Variants in NOX5 observed in about 807,000 individuals in gnomAD.
The protein encoded by NOX5 is NADPH oxidase, EF-hand calcium binding domain 5.
In NOX5, 76 loss-of-function variants were observed where a neutral mutation model predicts 85.7. The ratio of observed to expected loss-of-function variants is 0.89; its 90% CI spans 0.74 to 1.07. The LOEUF (loss-of-function observed/expected upper bound fraction) is 1.07. NOX5 is among the 50% of genes least tolerant of loss of function. The pLI is 0.00. For synonymous variants in NOX5, 405 were observed against 401.4 expected, an observed-to-expected ratio of 1.01 and a Z score of -0.11; for missense variants, 973 against 999.5, an observed-to-expected ratio of 0.97 and a Z score of 0.36.
intron 14 of NOX5, 86 bp from the exon 15 acceptor site, chr15:69,055,248 C>T (rs1456792946): frequency 1.4e-6 from 2 of 1,440,530 alleles, no homozygotes; most frequent in South Asian, 1.3e-5. Context: ...CTTCCAAGCC[C>T]CAGGGTAAGG....
intron 12 of NOX5, 45 bp downstream of exon 12, chr15:69,047,582 C>G (rs1299075870): frequency 6.3e-7 from 1 of 1,589,782 alleles, no homozygotes; most frequent in African/African-American, 1.3e-5. Flanking sequence ...GTCAGAGCCC[C>G]AAGGCGCCCT....
Position 69,035,760 on chromosome 15 carries a change from C to T in NOX5, c.1012C>T (p.Leu338Phe). Residue 338 changes from leucine to phenylalanine, a missense_variant and splice_region_variant, in exon 7 of 16, where the codon CTC becomes TTC. Transcript: ENST00000388866. ...AACCTTTCTGAGCTTGTTTCCAGTA[C>T]TCCAGGCTCAGGCGGAGGCCAGCCC... ...HTVAHTVNFV[L>F]QAQAEASPFQ... 6.2e-7 allele frequency: 1 copy of T among 1,613,760 alleles called. No homozygotes were observed. Among genetic ancestry groups the T allele is most frequent in the Non-Finnish European group, 8.5e-7 (1 of 1,179,852 alleles).
chr15:69,038,444 A>G (rs1450065719), intron 8 of NOX5: 1 of 255,898 alleles, frequency 3.9e-6, no homozygotes. Context: ...GCTCCAAAGC[A>G]ATTGTCTGGA....
rs1195146285 is a variant in NOX5 at position 69,031,543 on chromosome 15, A to G, written c.351A>G (p.Ala117=). ...TGTGTGCACGGCAGGGGGCGTCTGC[A>G]GGTACAGAGTGGGGTGCTGGGGCAG... The part of the protein sequence containing the change: ...IDVCARQGAS[A]GTEWGAGAGP... The change falls in exon 4 of 16, where the codon GCA becomes GCG. Residue 117 remains alanine (A), a synonymous_variant. Coordinates refer to ENST00000388866, the MANE Select transcript of NOX5 (RefSeq NM_024505.4). 6.2e-7 allele frequency: 1 copy of G among 1,610,540 alleles called. No homozygotes were observed. The highest frequency in any genetic ancestry group is 8.5e-7 in the Non-Finnish European group (1 of 1,179,056).
At chr15:69,029,980 T>C in intron 3 of NOX5, 1 of 152,212 alleles carries the variant, frequency 6.6e-6, no homozygotes, top group Middle Eastern at 3.2e-3. Flanking sequence ...TGCTCAGCCT[T>C]ATATTCTGCT....
At chr15:69,030,095 C>T (rs915528000) in intron 3 of NOX5, 1 of 152,102 alleles carries the variant, frequency 6.6e-6, no homozygotes, top group African/African-American at 2.4e-5. Flanking sequence ...CATGCAGCAT[C>T]GTGTAGTATT....
At position 69,016,809 on chromosome 15, in the gene NOX5, T is replaced by C. The variant is rs556990872; in HGVS notation, c.50+2024T>C. Among the ~76,000 whole-genome samples the C allele has an allele frequency of 3.7e-3, 566 of 151,944 alleles. 2 individuals carry two copies. The highest frequency in any genetic ancestry group is 7.3e-3 in the Admixed American group (111 of 15,250). Reference sequence around the variant, plus strand: ...TATATGACATATGCATATATATATATACATACATACATACACACACTAAAA... The same window carrying C: ...TATATGACATATGCATATATATATACACATACATACATACACACACTAAAA... On this transcript the variant is annotated intron_variant, in intron 1 of 15. Coordinates refer to ENST00000388866, the MANE Select transcript of NOX5 (RefSeq NM_024505.4).
Position 69,037,027 on chromosome 15 carries a change from G to T in NOX5, c.1189-1G>T, listed in dbSNP as rs1392564661. The T allele has an allele frequency of 1.2e-6, 2 of 1,613,002 alleles. No homozygotes were observed. Among genetic ancestry groups the T allele is most frequent in the African/African-American group, 2.7e-5 (2 of 74,758 alleles). On this transcript the variant is annotated splice_acceptor_variant, in intron 7 of 15. Transcript: ENST00000388866. LOFTEE classifies it high-confidence loss of function. ...GTTGACTGCCCCCCCTACCCCCATAGGTGTTCTATTGGACTCACCTGTCCT... is the reference window on the plus strand; with the variant it reads ...GTTGACTGCCCCCCCTACCCCCATATGTGTTCTATTGGACTCACCTGTCCT...
At chr15:69,028,176 G>A (rs367712871) in intron 2 of NOX5, 39 bp from the exon 3 acceptor site, 65 of 1,542,004 alleles carry the variant, frequency 4.2e-5, no homozygotes, top group South Asian at 3.6e-4. Flanking sequence ...CAGGCCCTGC[G>A]GCCACAGTTG....
chr15:69,039,328 A>G (rs1325571386), intron 9 of NOX5, among the ~76,000 whole-genome samples: 2 of 143,250 alleles, frequency 1.4e-5, no homozygotes, highest in African/African-American at 5.1e-5. Context: ...AAGTAAAAAC[A>G]TGAGGACCTG....
intron 9 of NOX5, among the ~76,000 whole-genome samples, chr15:69,039,697 C>T (rs2050570523): frequency 6.6e-6 from 1 of 152,236 alleles, no homozygotes; most frequent in African/African-American, 2.4e-5. Flanking sequence ...GAATCCCTCA[C>T]ACCCTTCTCC....
Position 69,020,983 on chromosome 15 carries a change from A to C in NOX5, c.51-5545A>C, listed in dbSNP as rs188293756. On this transcript the variant is annotated intron_variant, in intron 1 of 15. Coordinates refer to ENST00000388866, the MANE Select transcript of NOX5 (RefSeq NM_024505.4). ...AAAAATTACGTTGATAGGCGTCTTA[A>C]TAATGAACCATCCTTACATTACTAA... Among the ~76,000 whole-genome samples, 3 of 152,240 alleles carry C rather than the reference A, an allele frequency of 2.0e-5. No individual in the cohort carries two copies. The East Asian group carries it at 5.8e-4, about 29-fold the overall frequency.
rs144341839 is a variant in NOX5 at position 69,040,634 on chromosome 15, G to A, written c.1504+1645G>A. Among the ~76,000 whole-genome samples, 274 of 152,074 alleles carry A rather than the reference G, an allele frequency of 1.8e-3. 3 individuals are homozygous for A. Among genetic ancestry groups the A allele is most frequent in the African/African-American group, 5.9e-3 (246 of 41,496 alleles). The stretch of plus-strand genomic sequence containing the variant: ...TGACTATTATTAATATTATATGGGC[G>A]TGTCATGTATTTCACCAATTCTTTT... On this transcript the variant is annotated intron_variant, in intron 9 of 15. Coordinates refer to ENST00000388866, the MANE Select transcript of NOX5 (RefSeq NM_024505.4).
chr15:69,018,575 A>G (rs1267324801), intron 1 of NOX5, among the ~76,000 whole-genome samples: 2 of 118,716 alleles, frequency 1.7e-5, no homozygotes, highest in African/African-American at 6.7e-5. Flanking sequence ...CTGGACGCCC[A>G]AAGCTGGGAA....
Position 69,056,862 on chromosome 15 carries a change from G to C in NOX5, c.*166G>C. 1.3e-6 allele frequency: 1 copy of C among 753,034 alleles called. No individual in the cohort carries two copies. The highest frequency in any genetic ancestry group is 2.8e-5 in the East Asian group (1 of 35,144). The allele number at this position is 753,034 out of a possible 1,614,324, so 46.6% of individuals were successfully genotyped here. A position where few individuals can be genotyped will look rare whatever the true frequency, so the allele number is the denominator to read the frequency against. ...AGAGAACAGGAGACCCCAAGGGGCA[G>C]ATGAACTTCCTCTAGAACCCAGGGG... On this transcript the variant is annotated 3_prime_UTR_variant, in exon 16 of 16. Coordinates refer to ENST00000388866, the MANE Select transcript of NOX5 (RefSeq NM_024505.4).
chr15:69,035,971 GCCAGGGT>G, intron 7 of NOX5, 35 bp downstream of exon 7: 1 of 1,611,528 alleles, frequency 6.2e-7, no homozygotes, highest in South Asian at 1.1e-5. Context: ...TTCCCCCAAG[GCCAGGGT>G]CCTACTTTCA....
chr15:69,054,244 A>G (rs1164896406), intron 14 of NOX5, among the ~76,000 whole-genome samples: 2 of 152,170 alleles, frequency 1.3e-5, no homozygotes, highest in African/African-American at 4.8e-5. Context: ...ATGTCTGGTT[A>G]TGGAACACGG....
chr15:69,049,559 A>T (rs1308969158), intron 14 of NOX5, among the ~76,000 whole-genome samples: 6 of 152,184 alleles, frequency 3.9e-5, no homozygotes, highest in Admixed American at 3.3e-4. Flanking sequence ...TATCCAGATG[A>T]CATCAGGCAT....
intron 1 of NOX5, among the ~76,000 whole-genome samples, chr15:69,021,846 A>G (rs1299336806): frequency 6.6e-6 from 1 of 152,184 alleles, no homozygotes; most frequent in Non-Finnish European, 1.5e-5. Context: ...GTTTTTTAAA[A>G]GAACCAACTT....
Sources: allele counts gnomAD v4.1 joint callset (sites outside exome capture counted in the v4.1 genomes callset), GRCh38; gene constraint gnomAD v4.1.1; transcripts MANE v1.5; gene names NCBI Gene and HGNC (gene_info 2026-07-23, HGNC 2026-07-21).